The following ARID1B variants were observed in gnomAD, a reference collection of about 807,000 sequenced individuals.
The protein encoded by ARID1B is AT-rich interaction domain 1B, also known as AT-rich interactive domain-containing protein 1B.
In ARID1B, 30 loss-of-function variants were observed where a neutral mutation model predicts 212.3. The ratio of observed to expected loss-of-function variants is 0.14; its 90% confidence interval spans 0.11 to 0.19. ARID1B has a LOEUF of 0.19. Ranked by LOEUF, ARID1B falls within the 10% of genes least tolerant of loss-of-function variation. The probability of loss-of-function intolerance (pLI) is 1.00; values close to 1 mark genes in which losing one functional copy is unlikely to be tolerated. For missense variants in ARID1B, 2,891 were observed against 3,204.0 expected (o/e 0.90, Z 2.36); for synonymous variants, 1,402 against 1,301.7 (o/e 1.08, Z -1.66).
Position 157,148,686 on chromosome 6 carries a change from C to T in ARID1B, c.2824C>T (p.Pro942Ser), listed in dbSNP as rs975926585. 2.1e-5 allele frequency: 34 copies of T among 1,612,072 alleles called. No individual in the cohort carries two copies. Among genetic ancestry groups the T allele is most frequent in the Admixed American group, 8.3e-5 (5 of 59,986 alleles). ...CAGTGCAAGCTACAGCGGCCCAGGG[C>T]CCGGTATGGGTATCAGTGCCAACAA... is the stretch of plus-strand genomic sequence containing the variant. The part of the protein sequence containing the change: ...VPSASYSGPG[P>S]GMGISANNQM... The change falls in exon 8 of 20, where the codon CCC (proline) becomes TCC (serine). Residue 942 changes from proline (P) to serine (S), a missense_variant. By Grantham distance (74) the Pro-to-Ser change is moderately conservative (BLOSUM62 -1). This residue lies in a region of ARID1B where 1,643 missense variants were observed against 1,544.0 expected (regional missense o/e 1.06). Coordinates refer to ENST00000636930, the MANE Select transcript of ARID1B (RefSeq NM_001374828.1). This position sits in a 1 kb window ranked among gnomAD's most constrained non-coding sequence, Gnocchi z 5.6.
In ARID1B at chr6:156,971,376, G is replaced by GCATAATAAC. The variant is rs1776913299; in HGVS notation, c.2247+35801_2247+35809dup. Reference sequence around the variant, plus strand: ...CTCAAGTTATTTATCTTTAAAATGGGCATAATAACATATAACATTATGTAA... The same window carrying GCATAATAAC: ...CTCAAGTTATTTATCTTTAAAATGGGCATAATAACCATAATAACATATAACATTATGTAA... On this transcript the variant is annotated intron_variant, in intron 4 of 19. Coordinates refer to ENST00000636930, the MANE Select transcript of ARID1B (RefSeq NM_001374828.1). Among the ~76,000 whole-genome samples, 4 of 152,170 alleles carry GCATAATAAC rather than the reference G, an allele frequency of 2.6e-5. No individual in the cohort carries two copies. In the South Asian group the frequency reaches 8.3e-4, roughly 32 times the overall value.
chr6:156,829,179 T>C (rs1371063898), intron 1 of ARID1B, 48 bp from the exon 2 acceptor site: 1 of 1,504,630 alleles, frequency 6.6e-7, no homozygotes, highest in Non-Finnish European at 9.0e-7. Flanking sequence ...TTTGTGCCTT[T>C]GTAATAAAGA....
At chr6:156,840,845 G>A (rs1403485588) in intron 2 of ARID1B, among the ~76,000 whole-genome samples, 1 of 152,202 alleles carries the variant, frequency 6.6e-6, no homozygotes, top group Non-Finnish European at 1.5e-5. Flanking sequence ...GTAAATTGGA[G>A]ATGGCTGCTA....
chr6:156,856,696 T>TCACA (rs1784961943), intron 2 of ARID1B, among the ~76,000 whole-genome samples: 1 of 84,224 alleles, frequency 1.2e-5, no homozygotes, highest in African/African-American at 4.7e-5. Flanking sequence ...TCTCTCTCTC[T>TCACA]CTCTCACACA....
Position 156,974,683 on chromosome 6 carries a change from A to G in ARID1B, c.2247+39107A>G, listed in dbSNP as rs139954712. 2.4e-3 allele frequency among the ~76,000 whole-genome samples: 372 copies of G among 152,328 alleles called. 1 individual carries two copies. The highest frequency in any genetic ancestry group is 3.9e-3 in the Non-Finnish European group (267 of 68,020). ...GGCAGAGTTGTTTTAACTCAGTGAG[A>G]AGCATCACATGGAACAATAGAATTT... On this transcript the variant is annotated intron_variant, in intron 4 of 19. Transcript: ENST00000636930.
intron 1 of ARID1B, among the ~76,000 whole-genome samples, chr6:156,796,406 T>TTG (rs1780383385): frequency 6.6e-6 from 1 of 151,728 alleles, no homozygotes; most frequent in African/African-American, 2.4e-5. Context: ...CTTTACTTTT[T>TTG]TTTTTTTTTT....
intron 1 of ARID1B, among the ~76,000 whole-genome samples, chr6:156,785,452 A>G (rs1779567564): frequency 6.6e-6 from 1 of 152,228 alleles, no homozygotes; most frequent in African/African-American, 2.4e-5. Context: ...GATGAAATCC[A>G]GAAGAAATCC....
intron 4 of ARID1B, among the ~76,000 whole-genome samples, chr6:156,994,387 T>C (rs770193293): frequency 3.3e-5 from 5 of 152,140 alleles, no homozygotes; most frequent in Non-Finnish European, 7.3e-5. Context: ...CTCAGCAGTT[T>C]AGATTCCAGA....
Position 156,893,490 on chromosome 6 carries a change from G to A in ARID1B, c.1987-7886G>A, listed in dbSNP as rs1582890572. ...CATCAAAGGAGACTATCGAGAGAGT[G>A]AAAAGGTATAACCCACAGAATAGGA... On this transcript the variant is annotated intron_variant, in intron 2 of 19. Transcript: ENST00000636930. 2.0e-5 allele frequency among the ~76,000 whole-genome samples: 3 copies of A among 152,110 alleles called. No homozygotes were observed. The South Asian group carries it at 6.2e-4, about 32-fold the overall frequency.
At chr6:157,170,116 C>T (rs928511666) in intron 9 of ARID1B, 1 of 152,110 alleles carries the variant, frequency 6.6e-6, no homozygotes, top group African/African-American at 2.4e-5. Flanking sequence ...TGAGGTGGGT[C>T]CAGGAATCCG....
At chr6:157,109,396 C>T (rs1786733068) in intron 5 of ARID1B, among the ~76,000 whole-genome samples, 1 of 152,082 alleles carries the variant, frequency 6.6e-6, no homozygotes. Flanking sequence ...GGACCACCGC[C>T]CCAGAGGACT....
rs139758419 is a variant in ARID1B, at chr6:157,126,828, G to A, written c.2582-6200G>A. Among the ~76,000 whole-genome samples the A allele has an allele frequency of 3.5e-3, 538 of 152,232 alleles. 7 individuals are homozygous for A. Among genetic ancestry groups the A allele is most frequent in the African/African-American group, 0.012 (511 of 41,556 alleles). ...CTGAATTTCCCTAAATTCAGAAAGC[G>A]TGGTACTCTAAACTCAGATGGCTTA... On this transcript the variant is annotated intron_variant, in intron 6 of 19. Coordinates refer to ENST00000636930, the MANE Select transcript of ARID1B (RefSeq NM_001374828.1).
chr6:157,040,643 T>C (rs1042856833), intron 4 of ARID1B, among the ~76,000 whole-genome samples: 3 of 152,240 alleles, frequency 2.0e-5, no homozygotes, highest in African/African-American at 7.2e-5. Flanking sequence ...TATTTTTGTA[T>C]GTACATGTGG....
intron 5 of ARID1B, among the ~76,000 whole-genome samples, chr6:157,097,811 TC>T (rs1240151024): frequency 6.6e-6 from 1 of 152,216 alleles, no homozygotes. Flanking sequence ...CAGCTTTTTT[TC>T]TTCTCCCCTT....
chr6:157,147,220 G>C (rs1449969829), intron 7 of ARID1B, among the ~76,000 whole-genome samples: 1 of 4,322 alleles, frequency 2.3e-4, no homozygotes, highest in African/African-American at 1.4e-3. Context: ...CCTGCCCTCC[G>C]TCCCTCACCT....
intron 3 of ARID1B, among the ~76,000 whole-genome samples, chr6:156,924,273 T>G (rs1254921629): frequency 6.6e-6 from 1 of 152,206 alleles, no homozygotes; most frequent in Non-Finnish European, 1.5e-5. Context: ...TCTTTTTCCT[T>G]TACAGTTTCA....
chr6:156,935,339 C>T (rs1023050394), intron 3 of ARID1B, 127 bp from the exon 4 acceptor site: 7 of 755,484 alleles, frequency 9.3e-6, no homozygotes, highest in Non-Finnish European at 1.3e-5. Flanking sequence ...CTTGATCTCC[C>T]GAAGTGCTGG....
chr6:157,043,012 C>T (rs1166987856), intron 4 of ARID1B, among the ~76,000 whole-genome samples: 1 of 152,182 alleles, frequency 6.6e-6, no homozygotes, highest in Non-Finnish European at 1.5e-5. Flanking sequence ...TTGTTTTAGG[C>T]ACCTAAAATT....
chr6:156,996,161 C>T (rs777157748), intron 4 of ARID1B, among the ~76,000 whole-genome samples: 2 of 152,086 alleles, frequency 1.3e-5, no homozygotes, highest in Non-Finnish European at 1.5e-5. Flanking sequence ...TTTTCAAAAG[C>T]TTGGGTGGTA....
Sources: allele counts gnomAD v4.1 joint callset (sites outside exome capture counted in the v4.1 genomes callset), GRCh38; gene constraint gnomAD v4.1.1; regional missense constraint gnomAD v4.1.1; non-coding constraint Gnocchi (gnomAD v3.1); transcripts MANE v1.5; gene names NCBI Gene and HGNC (gene_info 2026-07-23, HGNC 2026-07-21).